Variants in FIP1L1 observed in about 807,000 individuals in gnomAD.
The protein encoded by FIP1L1 is pre-mRNA 3'-end-processing factor FIP1.
A neutral mutation model predicts 84.6 loss-of-function variants in FIP1L1; 21 were observed. The observed-to-expected ratio is 0.25, with a 90% confidence interval of 0.18 to 0.36. The LOEUF is 0.36. Ranked by LOEUF, FIP1L1 falls within the 10% of genes least tolerant of loss-of-function variation. The pLI is 1.00. For synonymous variants in FIP1L1, 263 were observed against 242.3 expected, an observed-to-expected ratio of 1.09 and a Z score of -0.80; for missense variants, 526 against 751.1, an observed-to-expected ratio of 0.70 and a Z score of 3.50.
chr4:53,381,894 C>G (rs867457874), intron 3 of FIP1L1, among the ~76,000 whole-genome samples: 37 of 150,884 alleles, frequency 2.5e-4, no homozygotes, highest in African/African-American at 8.8e-4. Context: ...TTCCGAGTAG[C>G]TGGGATTACA....
intron 11 of FIP1L1, among the ~76,000 whole-genome samples, chr4:53,425,136 G>A (rs927597749): frequency 7.2e-5 from 11 of 152,054 alleles, no homozygotes; most frequent in African/African-American, 2.7e-4. Flanking sequence ...TTCTCCAAGT[G>A]ACTTCTATAT....
In FIP1L1 at chr4:53,458,761, A is replaced by G; in HGVS notation, c.1608A>G (p.Lys536=). The change falls in exon 17 of 18, where the codon AAA becomes AAG. Residue 536 remains lysine, a synonymous_variant. Transcript: ENST00000337488. ...ERHRERRHRE[K]EETRHKSSRS... ...ATAGAGAAAGACGACACAGGGAGAA[A>G]GAGGAAACCAGACATAAGTCTTCTC... The G allele has an allele frequency of 6.2e-7, 1 of 1,612,838 alleles. No individual in the cohort carries two copies. The highest frequency in any genetic ancestry group is 1.7e-5 in the Admixed American group (1 of 59,868).
At chr4:53,436,762 G>T (rs1769396854) in intron 13 of FIP1L1, among the ~76,000 whole-genome samples, 1 of 152,132 alleles carries the variant, frequency 6.6e-6, no homozygotes, top group African/African-American at 2.4e-5. Context: ...TTTAGTATGG[G>T]TAAATTCTTT....
At chr4:53,459,260 A>T (rs1324157980) in intron 17 of FIP1L1, 42 bp from the exon 18 acceptor site, 9 of 1,397,830 alleles carry the variant, frequency 6.4e-6, no homozygotes, top group South Asian at 2.7e-5. Flanking sequence ...CTGATTGTGT[A>T]TTTAAACAGA....
At chr4:53,430,001 G>A (rs1765866989) in intron 13 of FIP1L1, among the ~76,000 whole-genome samples, 1 of 152,108 alleles carries the variant, frequency 6.6e-6, no homozygotes, top group African/African-American at 2.4e-5. Flanking sequence ...GCTTCTATGA[G>A]TTGGATCATA....
intron 13 of FIP1L1, among the ~76,000 whole-genome samples, chr4:53,434,883 C>T (rs1768397025): frequency 6.6e-6 from 1 of 152,160 alleles, no homozygotes; most frequent in African/African-American, 2.4e-5. Context: ...GAAGCTTGGC[C>T]TGTATTGGAT....
chr4:53,403,612 T>C (rs1751425715), intron 10 of FIP1L1, among the ~76,000 whole-genome samples: 1 of 152,210 alleles, frequency 6.6e-6, no homozygotes, highest in Admixed American at 6.5e-5. Context: ...CAAAAAGTTC[T>C]TAAGATGCTT....
intron 9 of FIP1L1, among the ~76,000 whole-genome samples, chr4:53,395,346 A>G (rs1010506327): frequency 6.6e-6 from 1 of 152,182 alleles, no homozygotes; most frequent in African/African-American, 2.4e-5. Context: ...CATTTTCCTA[A>G]TATCTTCTCT....
chr4:53,389,449 G>A (rs1742942342), intron 5 of FIP1L1, among the ~76,000 whole-genome samples: 1 of 62,944 alleles, frequency 1.6e-5, no homozygotes. Context: ...ATGGAAACAA[G>A]TCAGGCTTTT....
intron 10 of FIP1L1, among the ~76,000 whole-genome samples, chr4:53,411,268 A>G (rs1757082618): frequency 6.6e-6 from 1 of 152,178 alleles, no homozygotes; most frequent in Admixed American, 6.5e-5. Flanking sequence ...AAGGAGGTAA[A>G]GAAAGGATGG....
Position 53,390,516 on chromosome 4 carries a change from A to T in FIP1L1, c.398-5A>T. 1 of 1,592,912 alleles carries T rather than the reference A, an allele frequency of 6.3e-7. No homozygotes were observed. On this transcript the variant is annotated splice_polypyrimidine_tract_variant and splice_region_variant and intron_variant, in intron 6 of 17. Transcript: ENST00000337488. ...GCTCCTTCATTTTGTAATTTTATAA[A>T]ACAGGGACAAAAGTCAAAGGAGTAG...
At position 53,377,728 on chromosome 4, in the gene FIP1L1, C is replaced by T. The variant is rs1207129063; in HGVS notation, c.-111C>T. ...TGGGATTGGAGTCTCGAGCTTTCTT[C>T]GTTCGTTCGTCGGCGGGTTCGCGCC... On this transcript the variant is annotated 5_prime_UTR_variant, in exon 1 of 18. Transcript: ENST00000337488. The T allele has an allele frequency of 5.0e-6, 5 of 994,474 alleles. No individual in the cohort carries two copies. Among genetic ancestry groups the T allele is most frequent in the African/African-American group, 1.7e-5 (1 of 59,824 alleles). 61.6% of individuals were successfully genotyped at this position (994,474 alleles called of 1,614,324 possible). A position where few individuals can be genotyped will look rare whatever the true frequency, so the allele number is the denominator to read the frequency against.
intron 5 of FIP1L1, among the ~76,000 whole-genome samples, chr4:53,386,893 A>C (rs1209567561): frequency 1.3e-5 from 2 of 152,150 alleles, no homozygotes; most frequent in Non-Finnish European, 2.9e-5. Flanking sequence ...TCCAGTGATA[A>C]GTGGAAAAGA....
chr4:53,460,729 A>T lies in FIP1L1; in HGVS notation c.*1280A>T. ...CACTGAAAAAAAACTAGTAGTTTTA[A>T]TTTTTTTGGAATCATATTTTCTGAG... is the stretch of plus-strand genomic sequence containing the variant. On this transcript the variant is annotated 3_prime_UTR_variant, in exon 18 of 18. Transcript: ENST00000337488. The T allele has an allele frequency of 1.7e-6, 1 of 593,918 alleles. No homozygotes were observed. Among genetic ancestry groups the T allele is most frequent in the South Asian group, 2.5e-5 (1 of 39,248 alleles). 36.8% of individuals were successfully genotyped at this position (593,918 alleles called of 1,614,324 possible).
At chr4:53,382,462 A>G (rs572325555) in intron 4 of FIP1L1, 127 bp downstream of exon 4, 10 of 669,470 alleles carry the variant, frequency 1.5e-5, no homozygotes, top group Admixed American at 2.5e-5. Context: ...CCTTTCTTAC[A>G]TCTCCTACTT....
At chr4:53,442,096 C>G (rs146163347) in intron 13 of FIP1L1, among the ~76,000 whole-genome samples, 1 of 151,912 alleles carries the variant, frequency 6.6e-6, no homozygotes, top group Non-Finnish European at 1.5e-5. Context: ...AATACACAAA[C>G]TATATTATGT....
chr4:53,410,794 T>A (rs1756833686), intron 10 of FIP1L1, among the ~76,000 whole-genome samples: 1 of 152,234 alleles, frequency 6.6e-6, no homozygotes, highest in Non-Finnish European at 1.5e-5. Context: ...TGTTCTCTTT[T>A]ATTATTGTTA....
intron 10 of FIP1L1, among the ~76,000 whole-genome samples, chr4:53,404,140 C>A (rs1282817385): frequency 6.8e-6 from 1 of 148,142 alleles, no homozygotes; most frequent in African/African-American, 2.5e-5. Flanking sequence ...AGGTATATCT[C>A]CTAATGCTAT....
chr4:53,446,716 T>G (rs1041854988), intron 15 of FIP1L1, among the ~76,000 whole-genome samples: 1 of 152,218 alleles, frequency 6.6e-6, no homozygotes, highest in East Asian at 1.9e-4. Context: ...TTCAGTTCCA[T>G]GTATATTTGT....
Sources: gnomAD v4.1 joint callset for allele counts (sites outside exome capture counted in the v4.1 genomes callset) on GRCh38, gnomAD v4.1.1 for gene constraint, MANE v1.5 for transcripts, NCBI Gene and HGNC (gene_info 2026-07-23, HGNC 2026-07-21) for gene names.